PIBF1: variants seen among roughly 807,000 people sequenced by gnomAD.
The protein encoded by PIBF1 is progesterone-induced-blocking factor 1.
A neutral mutation model predicts 112.5 loss-of-function variants in PIBF1; 90 were observed. The observed-to-expected ratio is 0.80, with a 90% CI of 0.67 to 0.95. The LOEUF is 0.95. PIBF1 is among the 40% of genes least tolerant of loss of function. The pLI, the probability that PIBF1 is intolerant of heterozygous loss-of-function variation, is 0.00. For synonymous variants in PIBF1, 301 were observed against 288.6 expected, an observed-to-expected ratio of 1.04 and a Z score of -0.44; for missense variants, 915 against 852.3, an observed-to-expected ratio of 1.07 and a Z score of -0.92.
intron 10 of PIBF1, among the ~76,000 whole-genome samples, chr13:72,880,759 T>G (rs2039592523): frequency 6.6e-6 from 1 of 152,212 alleles, no homozygotes; most frequent in Non-Finnish European, 1.5e-5. Flanking sequence ...CAAGATTATT[T>G]GAGACCTTTT....
chr13:72,977,009 G>A (rs748995789), intron 16 of PIBF1, among the ~76,000 whole-genome samples: 16 of 152,086 alleles, frequency 1.1e-4, no homozygotes, highest in South Asian at 1.0e-3. Flanking sequence ...ACCTAAGGCC[G>A]CTAGCTTGTC....
chr13:72,836,246 T>G, intron 9 of PIBF1: 1 of 331,484 alleles, frequency 3.0e-6, no homozygotes, highest in Admixed American at 3.8e-5. Context: ...TATACCGTTA[T>G]TATAGTCAGT....
At chr13:72,852,945 T>G (rs2038232503) in intron 9 of PIBF1, among the ~76,000 whole-genome samples, 1 of 152,124 alleles carries the variant, frequency 6.6e-6, no homozygotes, top group Admixed American at 6.5e-5. Flanking sequence ...TAAACTTCAG[T>G]TTACTCAGCT....
At chr13:72,978,240 G>A (rs2043072547) in intron 16 of PIBF1, among the ~76,000 whole-genome samples, 2 of 152,080 alleles carry the variant, frequency 1.3e-5, no homozygotes, top group African/African-American at 2.4e-5. Context: ...GATCTCTCTT[G>A]GTTTTGTAAA....
At chr13:72,849,482 G>A (rs1763415282) in intron 9 of PIBF1, among the ~76,000 whole-genome samples, 2 of 152,142 alleles carry the variant, frequency 1.3e-5, no homozygotes, top group African/African-American at 4.8e-5. Flanking sequence ...CATTTGAAAT[G>A]GATTACTTAT....
At chr13:72,967,229 C>T (rs566746401) in intron 15 of PIBF1, among the ~76,000 whole-genome samples, 18 of 151,994 alleles carry the variant, frequency 1.2e-4, no homozygotes, top group African/African-American at 4.1e-4. Flanking sequence ...ACACCATGCC[C>T]GGCCTTAAAA....
In PIBF1 at chr13:72,895,577, T is replaced by G. The variant is rs79047015; in HGVS notation, c.1488+1628T>G. On this transcript the variant is annotated intron_variant, in intron 11 of 17. Coordinates refer to ENST00000326291, the MANE Select transcript of PIBF1 (RefSeq NM_006346.4). ...AGTACCAAAATATAAATTTATAAAT[T>G]TAAACTTTTTTTTTTACCTTTAGAT... Among the ~76,000 whole-genome samples, 1,557 of 152,034 alleles carry G rather than the reference T, an allele frequency of 0.01. 105 individuals carry two copies. The East Asian group carries it at 0.19, about 19-fold the overall frequency.
In PIBF1 at chr13:72,959,383, A is replaced by G. The variant is rs529975412; in HGVS notation, c.1834-5891A>G. On this transcript the variant is annotated intron_variant, in intron 14 of 17. Transcript: ENST00000326291. Reference sequence around the variant, plus strand: ...AGTGTTGCCCCCCTATCGGACCTCAAGCAGGCCTTTTTCATTCCTAGCACG... The same window carrying G: ...AGTGTTGCCCCCCTATCGGACCTCAGGCAGGCCTTTTTCATTCCTAGCACG... 2.0e-5 allele frequency among the ~76,000 whole-genome samples: 3 copies of G among 152,286 alleles called. No individual in the cohort carries two copies. The East Asian group carries it at 5.8e-4, about 29-fold the overall frequency.
At chr13:72,854,866 G>A (rs1294182412) in intron 10 of PIBF1, among the ~76,000 whole-genome samples, 2 of 151,774 alleles carry the variant, frequency 1.3e-5, no homozygotes, top group African/African-American at 2.4e-5. Flanking sequence ...GTTTTGGAAG[G>A]AGGATATCAG....
At chr13:72,815,533 G>A (rs2036226803) in intron 5 of PIBF1, among the ~76,000 whole-genome samples, 2 of 152,172 alleles carry the variant, frequency 1.3e-5, no homozygotes, top group East Asian at 3.8e-4. Context: ...CAATTTTTAT[G>A]ATTAACATAT....
intron 3 of PIBF1, among the ~76,000 whole-genome samples, chr13:72,794,096 A>T (rs1461647516): frequency 6.6e-6 from 1 of 152,196 alleles, no homozygotes; most frequent in Non-Finnish European, 1.5e-5. Context: ...AATAGAAGAA[A>T]AATGAACAGT....
rs185647676 is a variant in PIBF1 at position 72,991,933 on chromosome 13, T to C, written c.2050-6889T>C. Among the ~76,000 whole-genome samples the C allele has an allele frequency of 8.0e-3, 1,217 of 152,240 alleles. 14 individuals are homozygous for C. Among genetic ancestry groups the C allele is most frequent in the African/African-American group, 0.028 (1,145 of 41,562 alleles). On this transcript the variant is annotated intron_variant, in intron 16 of 17. Coordinates refer to ENST00000326291, the MANE Select transcript of PIBF1 (RefSeq NM_006346.4). ...TGGGGTTTCACCATGTTAGCCAGGA[T>C]GGTCTTGATCTCCTGACCTCGTGAT...
intron 10 of PIBF1, among the ~76,000 whole-genome samples, chr13:72,874,409 G>T (rs536140804): frequency 6.6e-6 from 1 of 152,072 alleles, no homozygotes; most frequent in Non-Finnish European, 1.5e-5. Flanking sequence ...CAATAAAAAA[G>T]GAGGAAACTA....
intron 17 of PIBF1, among the ~76,000 whole-genome samples, chr13:73,001,132 A>G (rs79722881): frequency 0.054 from 8,182 of 152,242 alleles, 282 homozygotes; most frequent in Non-Finnish European, 0.086. Flanking sequence ...AATGTTCTCA[A>G]TGTGTTCTTA....
intron 15 of PIBF1, among the ~76,000 whole-genome samples, chr13:72,971,622 CTG>C (rs1379902976): frequency 6.6e-6 from 1 of 152,188 alleles, no homozygotes; most frequent in Non-Finnish European, 1.5e-5. Context: ...ATTAGTAACA[CTG>C]TATAACATTT....
At chr13:72,970,394 AT>A (rs1484387123) in intron 15 of PIBF1, among the ~76,000 whole-genome samples, 5 of 152,310 alleles carry the variant, frequency 3.3e-5, no homozygotes, top group Middle Eastern at 3.4e-3. Context: ...AAAGAGAATA[AT>A]TAGCATAATT....
At chr13:72,841,166 T>G (rs1000850532) in intron 9 of PIBF1, among the ~76,000 whole-genome samples, 1 of 152,242 alleles carries the variant, frequency 6.6e-6, no homozygotes, top group Non-Finnish European at 1.5e-5. Flanking sequence ...TGGTCCAGTT[T>G]GTGAATTAAG....
chr13:72,782,879 T>C (rs1173749081), intron 1 of PIBF1, among the ~76,000 whole-genome samples: 1 of 120,416 alleles, frequency 8.3e-6, no homozygotes, highest in African/African-American at 3.0e-5. Flanking sequence ...TAAGGGCGTG[T>C]GTGTGTGTGT....
At chr13:72,848,323 T>C (rs1240886961) in intron 9 of PIBF1, among the ~76,000 whole-genome samples, 3 of 152,306 alleles carry the variant, frequency 2.0e-5, no homozygotes, top group East Asian at 3.9e-4. Flanking sequence ...TTCAGCCTAT[T>C]GGTACTGTGA....
Sources: allele counts gnomAD v4.1 joint callset (sites outside exome capture counted in the v4.1 genomes callset), GRCh38; gene constraint gnomAD v4.1.1; transcripts MANE v1.5; gene names NCBI Gene and HGNC (gene_info 2026-07-23, HGNC 2026-07-21).